The following NRXN3 variants were observed in gnomAD, a reference collection of about 807,000 sequenced individuals.
The protein encoded by NRXN3 is neurexin 3.
NRXN3 carries 32 observed loss-of-function variants against 137.6 expected under a neutral mutation model. The ratio of observed to expected loss-of-function variants is 0.23; its 90% CI spans 0.18 to 0.31. The LOEUF is 0.31. Ranked by LOEUF, NRXN3 falls within the 10% of genes least tolerant of loss-of-function variation. The pLI, the probability that NRXN3 is intolerant of heterozygous loss-of-function variation, is 1.00. For missense variants in NRXN3, 1,574 were observed against 2,062.5 expected (o/e 0.76, Z 4.59); for synonymous variants, 798 against 784.5 (o/e 1.02, Z -0.29).
At chr14:78,947,617 C>T (rs961682108) in intron 10 of NRXN3, among the ~76,000 whole-genome samples, 1 of 152,114 alleles carries the variant, frequency 6.6e-6, no homozygotes, top group African/African-American at 2.4e-5. Flanking sequence ...ATTAGAGTTC[C>T]CAAAAGTCCT....
chr14:78,387,077 G>C (rs60295560), intron 4 of NRXN3, among the ~76,000 whole-genome samples: 14 of 151,984 alleles, frequency 9.2e-5, no homozygotes, highest in Admixed American at 9.2e-4. Context: ...CACCGCACCC[G>C]GCCTATACTT....
intron 15 of NRXN3, among the ~76,000 whole-genome samples, chr14:79,303,735 A>G (rs192853618): frequency 9.5e-4 from 144 of 152,162 alleles, no homozygotes; most frequent in Non-Finnish European, 1.6e-3. Flanking sequence ...ACTGAGAAGC[A>G]ACCACAGACA....
chr14:79,094,979 A>AGAGTGTGTGTGTGTGT (rs553957969), intron 15 of NRXN3, among the ~76,000 whole-genome samples: 60 of 115,922 alleles, frequency 5.2e-4, no homozygotes, highest in African/African-American at 1.6e-3. Flanking sequence ...AGAGAGAGAG[A>AGAGTGTGTGTGTGTGT]GTGTGTGTGT....
intron 15 of NRXN3, among the ~76,000 whole-genome samples, chr14:79,260,980 G>A (rs1386458739): frequency 6.6e-6 from 1 of 152,178 alleles, no homozygotes; most frequent in East Asian, 1.9e-4. Flanking sequence ...CCTACTTGCT[G>A]TCTGCAAAGA....
chr14:78,991,494 G>A (rs2099518836), intron 15 of NRXN3, among the ~76,000 whole-genome samples: 1 of 152,170 alleles, frequency 6.6e-6, no homozygotes, highest in South Asian at 2.1e-4. Flanking sequence ...AATGGTTATG[G>A]ATATCTCATT....
At position 78,290,911 on chromosome 14, in the gene NRXN3, C is replaced by T. The variant is rs144235981; in HGVS notation, c.728-6920C>T. On this transcript the variant is annotated intron_variant, in intron 3 of 20. Coordinates refer to ENST00000335750, the MANE Select transcript of NRXN3 (RefSeq NM_001330195.2). Reference sequence around the variant, plus strand: ...TGAGTGGGTCTCATGTTTAAATTTGCGTTTTAAAGAGAGAAGTGGCTTTAT... The same window carrying T: ...TGAGTGGGTCTCATGTTTAAATTTGTGTTTTAAAGAGAGAAGTGGCTTTAT... Among the ~76,000 whole-genome samples, 74 of 152,158 alleles carry T rather than the reference C, an allele frequency of 4.9e-4. No individual in the cohort carries two copies. The East Asian group carries it at 0.011, about 23-fold the overall frequency.
intron 8 of NRXN3, among the ~76,000 whole-genome samples, chr14:78,757,406 T>C (rs1012446814): frequency 2.4e-5 from 2 of 81,908 alleles, no homozygotes; most frequent in African/African-American, 4.1e-4. Context: ...AGATTCCATC[T>C]CTTAAAAAAA....
chr14:78,381,999 T>A (rs1186746584), intron 4 of NRXN3, among the ~76,000 whole-genome samples: 1 of 152,224 alleles, frequency 6.6e-6, no homozygotes, highest in Non-Finnish European at 1.5e-5. Context: ...AAATTTCCTG[T>A]ATCTTGATGG....
At chr14:78,935,561 G>A (rs1567751191) in intron 10 of NRXN3, among the ~76,000 whole-genome samples, 1 of 152,160 alleles carries the variant, frequency 6.6e-6, no homozygotes, top group Admixed American at 6.5e-5. Flanking sequence ...TATGTACACA[G>A]TTGTTACTGT....
chr14:78,742,997 G>A (rs778465101), intron 8 of NRXN3, among the ~76,000 whole-genome samples: 12 of 152,030 alleles, frequency 7.9e-5, no homozygotes, highest in Non-Finnish European at 1.6e-4. Flanking sequence ...TTTGAATTGA[G>A]CTTTACTTAG....
At chr14:79,433,999 G>T (rs1446451031) in intron 15 of NRXN3, among the ~76,000 whole-genome samples, 1 of 152,116 alleles carries the variant, frequency 6.6e-6, no homozygotes, top group Non-Finnish European at 1.5e-5. Context: ...ACTGAATAAG[G>T]TCACTAAGGA....
chr14:78,779,773 A>G (rs1438176244), intron 8 of NRXN3, among the ~76,000 whole-genome samples: 5 of 152,250 alleles, frequency 3.3e-5, no homozygotes, highest in Non-Finnish European at 5.9e-5. Flanking sequence ...CAAGACCATT[A>G]GGGGAAAAAT....
chr14:79,266,965 A>G (rs532443900), intron 15 of NRXN3, among the ~76,000 whole-genome samples: 1 of 152,322 alleles, frequency 6.6e-6, no homozygotes, highest in African/African-American at 2.4e-5. Context: ...ATAAATATCA[A>G]TATCTAACAC....
chr14:78,298,308 C>T (rs967614983), intron 4 of NRXN3, among the ~76,000 whole-genome samples: 14 of 152,212 alleles, frequency 9.2e-5, no homozygotes, highest in Admixed American at 1.3e-4. Context: ...GTCTTCCCCT[C>T]CATTACACTG....
chr14:79,205,232 C>T lies in NRXN3; in HGVS notation c.3262+217091C>T, dbSNP rs576875034. 3.0e-3 allele frequency among the ~76,000 whole-genome samples: 458 copies of T among 152,264 alleles called. 1 individual carries two copies. The highest frequency in any genetic ancestry group is 0.014 in the Middle Eastern group (4 of 294). ...ATGGAATGCCCTGTAGCTTGGGAAC[C>T]GAATTTTATGGTGGCTCTGCTTTTG... On this transcript the variant is annotated intron_variant, in intron 15 of 20. Coordinates refer to ENST00000335750, the MANE Select transcript of NRXN3 (RefSeq NM_001330195.2).
chr14:78,663,850 T>TA (rs949620993), intron 6 of NRXN3, among the ~76,000 whole-genome samples: 3 of 152,116 alleles, frequency 2.0e-5, no homozygotes, highest in Admixed American at 6.6e-5. Context: ...CAAAGGAGAT[T>TA]AAAAAAACAC....
rs61291300 is a variant in NRXN3 at position 79,028,078 on chromosome 14, G to A, written c.3262+39937G>A. Reference sequence around the variant, plus strand: ...AAATTTGAAATAATATATGTAAATCGTTTTACTGTAACATGTACGAAGGAT... The same window carrying A: ...AAATTTGAAATAATATATGTAAATCATTTTACTGTAACATGTACGAAGGAT... On this transcript the variant is annotated intron_variant, in intron 15 of 20. Coordinates refer to ENST00000335750, the MANE Select transcript of NRXN3 (RefSeq NM_001330195.2). 9.1e-3 allele frequency among the ~76,000 whole-genome samples: 1,378 copies of A among 152,136 alleles called. 13 individuals are homozygous for A. The highest frequency in any genetic ancestry group is 0.028 in the African/African-American group (1,155 of 41,504).
intron 15 of NRXN3, among the ~76,000 whole-genome samples, chr14:79,107,190 T>TC (rs1012526256): frequency 2.0e-5 from 3 of 152,180 alleles, no homozygotes; most frequent in Non-Finnish European, 2.9e-5. Context: ...GTTCATTTAA[T>TC]ACAACCTTCA....
intron 20 of NRXN3, among the ~76,000 whole-genome samples, chr14:79,842,820 CATTAG>C (rs1278036728): frequency 6.6e-6 from 1 of 152,154 alleles, no homozygotes; most frequent in Non-Finnish European, 1.5e-5. Context: ...GTCCTCTGCA[CATTAG>C]ATCTTTAGAC....
Sources: allele counts gnomAD v4.1 joint callset (sites outside exome capture counted in the v4.1 genomes callset), GRCh38; gene constraint gnomAD v4.1.1; transcripts MANE v1.5; gene names NCBI Gene and HGNC (gene_info 2026-07-23, HGNC 2026-07-21).